Variants in EEFSEC observed in about 807,000 individuals in gnomAD.
EEFSEC encodes eukaryotic elongation factor, selenocysteine-tRNA specific, also known as selenocysteine-specific elongation factor.
A neutral mutation model predicts 42.1 loss-of-function variants in EEFSEC; 43 were observed. That is an observed-to-expected ratio of 1.02 (90% CI 0.80 to 1.32). The LOEUF (loss-of-function observed/expected upper bound fraction) is 1.32, where lower values mean the gene tolerates loss of function less well. EEFSEC is among the 40% of genes most tolerant of loss of function. EEFSEC has a pLI of 0.00. For synonymous variants in EEFSEC, 354 were observed against 339.1 expected (o/e 1.04, Z -0.48); for missense variants, 745 against 803.6 (o/e 0.93, Z 0.88).
chr3:128,371,370 T>A (rs2067652089), intron 6 of EEFSEC, among the ~76,000 whole-genome samples: 1 of 152,184 alleles, frequency 6.6e-6, no homozygotes, highest in South Asian at 2.1e-4. Flanking sequence ...ACTGTGGGGC[T>A]GCCTTGTGCC....
intron 6 of EEFSEC, among the ~76,000 whole-genome samples, chr3:128,395,702 C>G (rs1576700872): frequency 6.6e-6 from 1 of 152,338 alleles, no homozygotes; most frequent in South Asian, 2.1e-4. Flanking sequence ...GCCCAGCACA[C>G]CCAGGCCAAT....
chr3:128,190,535 A>T (rs1437386217), intron 1 of EEFSEC, among the ~76,000 whole-genome samples: 2 of 152,258 alleles, frequency 1.3e-5, no homozygotes, highest in African/African-American at 2.4e-5. Context: ...AGAGTCAAAA[A>T]GTTAAAAAAT....
chr3:128,346,609 A>T (rs1476004441), intron 5 of EEFSEC, among the ~76,000 whole-genome samples: 4 of 152,160 alleles, frequency 2.6e-5, no homozygotes, highest in Non-Finnish European at 5.9e-5. Context: ...TCTTGTTTTC[A>T]TGTGATGGGT....
chr3:128,358,403 G>T, intron 6 of EEFSEC, 30 bp downstream of exon 6: 1 of 1,612,896 alleles, frequency 6.2e-7, no homozygotes, highest in South Asian at 1.1e-5. Flanking sequence ...CCCGGTTTAG[G>T]GACACCGTGC....
intron 1 of EEFSEC, among the ~76,000 whole-genome samples, chr3:128,168,257 CA>C (rs1287749316): frequency 6.6e-6 from 1 of 152,126 alleles, no homozygotes; most frequent in African/African-American, 2.4e-5. Flanking sequence ...AGGAATGTGC[CA>C]GCTGTCCAGT....
At chr3:128,291,506 CACCTTGATATTG>C (rs1684247442) in intron 4 of EEFSEC, among the ~76,000 whole-genome samples, 1 of 152,192 alleles carries the variant, frequency 6.6e-6, no homozygotes, top group African/African-American at 2.4e-5. Flanking sequence ...AAGATGCCAG[CACCTTGATATTG>C]GAATTCTCAG....
At chr3:128,222,498 C>A (rs2065871140) in intron 1 of EEFSEC, among the ~76,000 whole-genome samples, 1 of 152,096 alleles carries the variant, frequency 6.6e-6, no homozygotes, top group Middle Eastern at 3.2e-3. Context: ...AATTTTAGAT[C>A]CTTATTTAAG....
intron 1 of EEFSEC, among the ~76,000 whole-genome samples, chr3:128,174,411 G>C (rs2065328014): frequency 6.6e-6 from 1 of 152,196 alleles, no homozygotes; most frequent in Non-Finnish European, 1.5e-5. Context: ...TTTGGAGCCA[G>C]TAAGTTTTTT....
At chr3:128,385,670 C>G (rs549973879) in intron 6 of EEFSEC, among the ~76,000 whole-genome samples, 1 of 152,242 alleles carries the variant, frequency 6.6e-6, no homozygotes, top group Non-Finnish European at 1.5e-5. Context: ...CTTATGAGTT[C>G]CATTCCACCA....
chr3:128,288,275 TC>T (rs1353945539), intron 4 of EEFSEC, among the ~76,000 whole-genome samples: 1 of 152,214 alleles, frequency 6.6e-6, no homozygotes, highest in Admixed American at 6.5e-5. Flanking sequence ...TGTGTTTTGG[TC>T]AAGGTCATAG....
chr3:128,260,321 G>T (rs1459858687), intron 2 of EEFSEC, among the ~76,000 whole-genome samples: 2 of 152,154 alleles, frequency 1.3e-5, no homozygotes, highest in African/African-American at 4.8e-5. Flanking sequence ...ATTGTAATGT[G>T]CCAGGTGTGG....
chr3:128,406,322 A>C (rs921427487), intron 6 of EEFSEC, among the ~76,000 whole-genome samples: 1 of 152,160 alleles, frequency 6.6e-6, no homozygotes, highest in African/African-American at 2.4e-5. Flanking sequence ...AACTCATAGA[A>C]GCAGAGGGTA....
intron 2 of EEFSEC, among the ~76,000 whole-genome samples, chr3:128,257,953 C>G (rs2066258990): frequency 6.6e-6 from 1 of 152,170 alleles, no homozygotes; most frequent in Non-Finnish European, 1.5e-5. Context: ...GGCTTCTACT[C>G]TACCTTTTAT....
At chr3:128,234,195 G>A (rs1024987752) in intron 1 of EEFSEC, among the ~76,000 whole-genome samples, 9 of 152,042 alleles carry the variant, frequency 5.9e-5, no homozygotes, top group Admixed American at 2.6e-4. Context: ...TGGGATTACA[G>A]GCACACACCA....
At chr3:128,385,226 G>A (rs1428194704) in intron 6 of EEFSEC, among the ~76,000 whole-genome samples, 3 of 152,320 alleles carry the variant, frequency 2.0e-5, no homozygotes, top group East Asian at 3.9e-4. Context: ...TCAGACCCAC[G>A]ATAAGACCCA....
chr3:128,418,021 C>G, the EEFSEC span, among the ~76,000 whole-genome samples: 1 of 152,094 alleles, frequency 6.6e-6, no homozygotes, highest in Non-Finnish European at 1.5e-5. Context: ...GGTCACTCCT[C>G]CGCTCCCCAA....
chr3:128,357,851 C>T (rs1336927868), intron 5 of EEFSEC, among the ~76,000 whole-genome samples: 1 of 138,480 alleles, frequency 7.2e-6, no homozygotes, highest in East Asian at 1.9e-4. Context: ...CTACTTCTAT[C>T]CCCTGTGCTC....
rs150775123 is a variant in EEFSEC at position 128,246,889 on chromosome 3, C to T, written c.370C>T (p.Gln124Ter). 8.8e-5 allele frequency: 142 copies of T among 1,614,070 alleles called. No homozygotes were observed. Among genetic ancestry groups the T allele is most frequent in the Non-Finnish European group, 1.2e-4 (139 of 1,180,032 alleles). The change falls in exon 2 of 7, where the codon CAG becomes TAG. Residue 124 changes from glutamine (Q) to a stop codon, truncating the protein, a stop_gained. Transcript: ENST00000254730. LOFTEE classifies it high-confidence loss of function. ...MLVIDVTKGM[Q>*]TQSAECLVIG... The stretch of plus-strand genomic sequence containing the variant: ...GGTCATCGATGTGACCAAGGGGATG[C>T]AGACCCAGTCAGCGGAATGCCTTGT...
At chr3:128,168,734 C>T (rs1252366268) in intron 1 of EEFSEC, among the ~76,000 whole-genome samples, 1 of 152,238 alleles carries the variant, frequency 6.6e-6, no homozygotes, top group Non-Finnish European at 1.5e-5. Flanking sequence ...AAACTGGACC[C>T]TAAGAGGGGA....
Sources: allele counts gnomAD v4.1 joint callset (sites outside exome capture counted in the v4.1 genomes callset), GRCh38; gene constraint gnomAD v4.1.1; transcripts MANE v1.5; gene names NCBI Gene and HGNC (gene_info 2026-07-23, HGNC 2026-07-21).